The following PTPRT variants were observed in gnomAD, a reference collection of about 807,000 sequenced individuals.
PTPRT encodes the protein receptor-type tyrosine-protein phosphatase T.
In PTPRT, 56 loss-of-function variants were observed where a neutral mutation model predicts 176.8. The ratio of observed to expected loss-of-function variants is 0.32; its 90% CI spans 0.26 to 0.40. The LOEUF (loss-of-function observed/expected upper bound fraction) is 0.40. Ranked by LOEUF, PTPRT falls within the 10% of genes least tolerant of loss-of-function variation. The pLI is 1.00. For missense variants in PTPRT, 1,540 were observed against 1,908.2 expected (o/e 0.81, Z 3.60); for synonymous variants, 783 against 739.0 (o/e 1.06, Z -0.96).
At chr20:42,234,784 A>G (rs2056206988) in intron 15 of PTPRT, among the ~76,000 whole-genome samples, 1 of 152,254 alleles carries the variant, frequency 6.6e-6, no homozygotes, top group South Asian at 2.1e-4. Context: ...TGGTACTTCC[A>G]GTATTGGTGA....
intron 16 of PTPRT, among the ~76,000 whole-genome samples, chr20:42,178,836 G>T (rs1209803718): frequency 6.6e-6 from 1 of 152,168 alleles, no homozygotes; most frequent in Non-Finnish European, 1.5e-5. Flanking sequence ...CTGGCTGTTG[G>T]CTGGGCATCT....
chr20:42,355,183 C>G (rs2058341873), intron 9 of PTPRT, among the ~76,000 whole-genome samples: 1 of 152,124 alleles, frequency 6.6e-6, no homozygotes. Flanking sequence ...TCTCCAGGCT[C>G]CCCTTCCTTA....
chr20:42,120,964 A>G (rs1987556160), intron 19 of PTPRT, among the ~76,000 whole-genome samples: 1 of 152,204 alleles, frequency 6.6e-6, no homozygotes, highest in South Asian at 2.1e-4. Context: ...TCCAGAGAAA[A>G]TAAGTCCTAA....
At chr20:42,526,975 T>TTTTTTTTA in intron 7 of PTPRT, among the ~76,000 whole-genome samples, 1 of 136,936 alleles carries the variant, frequency 7.3e-6, no homozygotes, top group Admixed American at 7.3e-5. Flanking sequence ...TTTTTTTTTT[T>TTTTTTTTA]TTTTTTGAGA....
In PTPRT at chr20:42,610,759, G is replaced by A. The variant is rs140901724; in HGVS notation, c.1153+67107C>T. Among the ~76,000 whole-genome samples, 79 of 152,196 alleles carry A rather than the reference G, an allele frequency of 5.2e-4. 1 individual carries two copies. Among genetic ancestry groups the A allele is most frequent in the African/African-American group, 1.7e-3 (69 of 41,512 alleles). On this transcript the variant is annotated intron_variant, in intron 7 of 30. Coordinates refer to ENST00000373187, the MANE Select transcript of PTPRT (RefSeq NM_007050.6). ...AAAGTGTATAATGCAGTGAATTATC[G>A]TATATTCACATAGTTATGCAGCCAT...
chr20:42,686,569 C>T lies in PTPRT; in HGVS notation c.860-8410G>A, dbSNP rs559066579. 6.3e-5 allele frequency among the ~76,000 whole-genome samples: 9 copies of T among 142,432 alleles called. No homozygotes were observed. In the South Asian group the frequency reaches 8.9e-4, roughly 14 times the overall value. 93.4% of individuals were successfully genotyped at this position (142,432 alleles called of 152,430 possible). On this transcript the variant is annotated intron_variant, in intron 6 of 30. Transcript: ENST00000373187. Reference sequence around the variant, plus strand: ...CGCGATCTCAGCTCACCGCAGCCTCCGCCTCCCGGGTTCAAGTGATTCTCC... The same window carrying T: ...CGCGATCTCAGCTCACCGCAGCCTCTGCCTCCCGGGTTCAAGTGATTCTCC...
At chr20:42,169,932 G>A (rs562939822) in intron 16 of PTPRT, among the ~76,000 whole-genome samples, 2 of 152,244 alleles carry the variant, frequency 1.3e-5, no homozygotes, top group South Asian at 2.1e-4. Context: ...ATGTCCCTAC[G>A]CCATCAAGGT....
intron 1 of PTPRT, among the ~76,000 whole-genome samples, chr20:43,058,586 T>C (rs932339353): frequency 1.3e-5 from 2 of 152,128 alleles, no homozygotes; most frequent in African/African-American, 4.8e-5. Flanking sequence ...GAAATGGTAT[T>C]GTAATGTGAA....
At chr20:42,435,095 T>G (rs1283323490) in intron 9 of PTPRT, among the ~76,000 whole-genome samples, 1 of 152,112 alleles carries the variant, frequency 6.6e-6, no homozygotes, top group Non-Finnish European at 1.5e-5. Flanking sequence ...AGGTACTAGG[T>G]AAGGTACTGA....
At chr20:42,538,570 C>T (rs2072517759) in intron 7 of PTPRT, among the ~76,000 whole-genome samples, 1 of 152,170 alleles carries the variant, frequency 6.6e-6, no homozygotes, top group Non-Finnish European at 1.5e-5. Context: ...ATTGGCCGCT[C>T]AGAAATATTA....
At chr20:43,093,474 G>T (rs1226246264) in intron 1 of PTPRT, among the ~76,000 whole-genome samples, 2 of 152,210 alleles carry the variant, frequency 1.3e-5, no homozygotes, top group Non-Finnish European at 2.9e-5. Context: ...AAGAATTTGA[G>T]AAAATCCAGT....
At chr20:42,784,753 A>G (rs1361623964) in intron 3 of PTPRT, among the ~76,000 whole-genome samples, 1 of 152,108 alleles carries the variant, frequency 6.6e-6, no homozygotes, top group Non-Finnish European at 1.5e-5. Context: ...AATAAAAGAT[A>G]ATTTTTCCTA....
At chr20:42,711,772 CTGTT>C (rs996930016) in intron 6 of PTPRT, among the ~76,000 whole-genome samples, 9 of 151,066 alleles carry the variant, frequency 6.0e-5, no homozygotes, top group Non-Finnish European at 8.8e-5. Flanking sequence ...ACTTATGGGG[CTGTT>C]TGTTACTGCA....
intron 1 of PTPRT, among the ~76,000 whole-genome samples, chr20:42,917,127 T>C (rs1325943177): frequency 6.6e-6 from 1 of 152,208 alleles, no homozygotes; most frequent in Non-Finnish European, 1.5e-5. Context: ...CCATCTTGAA[T>C]TAATTTTTGT....
chr20:42,398,499 ATTAT>A (rs2058873214), intron 9 of PTPRT, among the ~76,000 whole-genome samples: 1 of 152,216 alleles, frequency 6.6e-6, no homozygotes, highest in South Asian at 2.1e-4. Context: ...GATGCAAAAT[ATTAT>A]TTGAGATGTG....
intron 7 of PTPRT, among the ~76,000 whole-genome samples, chr20:42,632,502 C>T (rs6065519): frequency 4.6e-5 from 7 of 151,960 alleles, no homozygotes; most frequent in Non-Finnish European, 1.0e-4. Context: ...GGGTTACAGG[C>T]GTGAGCCACC....
intron 6 of PTPRT, among the ~76,000 whole-genome samples, chr20:42,718,788 A>C (rs867668298): frequency 2.4e-4 from 37 of 152,178 alleles, no homozygotes; most frequent in Non-Finnish European, 4.0e-4. Context: ...TGTTGTTTAC[A>C]TTATTATATT....
chr20:42,999,550 G>A (rs929746451), intron 1 of PTPRT, among the ~76,000 whole-genome samples: 1 of 151,962 alleles, frequency 6.6e-6, no homozygotes, highest in Non-Finnish European at 1.5e-5. Context: ...GAGGCCAGGG[G>A]TTCGAGACCA....
At chr20:42,987,295 A>G (rs879887401) in intron 1 of PTPRT, among the ~76,000 whole-genome samples, 6 of 152,200 alleles carry the variant, frequency 3.9e-5, no homozygotes, top group African/African-American at 1.2e-4. Context: ...TTGAATTTAA[A>G]TTGACTGACA....
Sources: gnomAD v4.1 joint callset for allele counts (sites outside exome capture counted in the v4.1 genomes callset) on GRCh38, gnomAD v4.1.1 for gene constraint, MANE v1.5 for transcripts, NCBI Gene and HGNC (gene_info 2026-07-23, HGNC 2026-07-21) for gene names.